Variants in RPS6KL1 observed in about 807,000 individuals in gnomAD.
RPS6KL1 encodes the protein ribosomal protein S6 kinase like 1.
Under a neutral mutation model 57.0 loss-of-function variants are expected in RPS6KL1, and 41 were observed. The ratio of observed to expected loss-of-function variants is 0.72; its 90% CI spans 0.56 to 0.93. The LOEUF (loss-of-function observed/expected upper bound fraction) is 0.93, where lower values mean the gene tolerates loss of function less well. Among genes scored for constraint, RPS6KL1 ranks in the 40% least tolerant of loss-of-function variants. RPS6KL1 has a pLI of 0.00. For missense variants in RPS6KL1, 697 were observed against 727.7 expected (o/e 0.96, Z 0.49); for synonymous variants, 287 against 309.7 (o/e 0.93, Z 0.77).
intron 7 of RPS6KL1, chr14:74,910,441 GA>G (rs112024638): frequency 0.11 from 33,611 of 302,176 alleles, 2,739 homozygotes; most frequent in African/African-American, 0.27. Flanking sequence ...TCACTAGTGT[GA>G]ACACTGTTTT....
At chr14:74,911,135 G>A (rs1418143832) in intron 7 of RPS6KL1, 113 bp downstream of exon 7, 5 of 1,049,786 alleles carry the variant, frequency 4.8e-6, no homozygotes, top group Non-Finnish European at 7.3e-6. Context: ...GCCTCCCAAA[G>A]TGCTGGGATT....
chr14:74,911,405 C>G, intron 6 of RPS6KL1, 25 bp from the exon 7 acceptor site: 1 of 1,592,614 alleles, frequency 6.3e-7, no homozygotes, highest in Non-Finnish European at 8.5e-7. Flanking sequence ...GCAGGCAGAT[C>G]AGCCGGGGAC....
At chr14:74,907,390 T>C in intron 11 of RPS6KL1, 45 bp downstream of exon 11, 1 of 1,542,822 alleles carries the variant, frequency 6.5e-7, no homozygotes, top group Non-Finnish European at 8.7e-7. Context: ...CCCAGCACCT[T>C]CCTCAGGCTA....
intron 5 of RPS6KL1, among the ~76,000 whole-genome samples, chr14:74,916,637 C>T (rs758293752): frequency 2.6e-5 from 4 of 151,832 alleles, no homozygotes; most frequent in South Asian, 2.1e-4. Flanking sequence ...GCCGAGATCA[C>T]GCCACTGCAC....
At position 74,908,870 on chromosome 14, in the gene RPS6KL1, A is replaced by G. The variant is rs1433582901; in HGVS notation, c.1423T>C (p.Tyr475His). The part of the protein sequence containing the change: ...CDWWSFGSLL[Y>H]ELLTGMALSQ... ...CTCACCATTCCCGTCAGCAGTTCAT[A>G]CAGTAGAGACCCAAAGCTCCACCAG... Residue 475 changes from tyrosine (Y) to histidine (H), a missense_variant, in exon 10 of 12, where the codon TAT (tyrosine) becomes CAT (histidine). Coordinates refer to ENST00000557413, the MANE Select transcript of RPS6KL1 (RefSeq NM_031464.5). The G allele has an allele frequency of 1.9e-6, 3 of 1,614,118 alleles. No individual in the cohort carries two copies. In the South Asian group the frequency reaches 3.3e-5, roughly 18 times the overall value.
chr14:74,908,719 T>A, intron 10 of RPS6KL1, 131 bp downstream of exon 10: 1 of 774,758 alleles, frequency 1.3e-6, no homozygotes, highest in Admixed American at 2.0e-5. Context: ...AGTGTGTCCC[T>A]GGCTTCGGGG....
Position 74,921,522 on chromosome 14 carries a change from TCA to T in RPS6KL1, c.18_19del (p.Cys6Ter), listed in dbSNP as rs1332062969. On this transcript the variant is annotated stop_gained and frameshift_variant, in exon 3 of 12. Coordinates refer to ENST00000557413, the MANE Select transcript of RPS6KL1 (RefSeq NM_031464.5). LOFTEE classifies it high-confidence loss of function. ...CTCCAGGCCGGGGCTGGGCAGGCAC[TCA>T]CAGGCCACCAGGCTCATGGCTGCCC... is the stretch of plus-strand genomic sequence containing the variant. 1 of 1,613,994 alleles carries T rather than the reference TCA, an allele frequency of 6.2e-7. No individual in the cohort carries two copies. The highest frequency in any genetic ancestry group is 1.7e-5 in the Admixed American group (1 of 60,010).
rs983229185 is a variant in RPS6KL1, at chr14:74,906,740, A to G, written c.*274T>C. On this transcript the variant is annotated 3_prime_UTR_variant, in exon 12 of 12. Transcript: ENST00000557413. Reference sequence around the variant, plus strand: ...GCAACCTTTAACATGGTGAGTCCACATGCTCAACGGGTCTGTTGACTGATG... The same window carrying G: ...GCAACCTTTAACATGGTGAGTCCACGTGCTCAACGGGTCTGTTGACTGATG... 4.5e-5 allele frequency: 28 copies of G among 618,316 alleles called. No homozygotes were observed. The highest frequency in any genetic ancestry group is 6.5e-5 in the Non-Finnish European group (21 of 322,250). 38.3% of individuals were successfully genotyped at this position (618,316 alleles called of 1,614,324 possible). A position where few individuals can be genotyped will look rare whatever the true frequency, so the allele number is the denominator to read the frequency against.
chr14:74,907,641 A>C, intron 10 of RPS6KL1, 111 bp from the exon 11 acceptor site: 1 of 984,938 alleles, frequency 1.0e-6, no homozygotes, highest in South Asian at 1.7e-5. Context: ...GAGGATGACA[A>C]TAATGATAGT....
rs1884974086 is a variant in RPS6KL1, at chr14:74,906,887, G to C, written c.*127C>G. 2.4e-6 allele frequency: 2 copies of C among 821,878 alleles called. No homozygotes were observed. The highest frequency in any genetic ancestry group is 3.3e-5 in the African/African-American group (2 of 59,846). The allele number at this position is 821,878 out of a possible 1,614,324, so 50.9% of individuals were successfully genotyped here. ...TGAGGCCCCAGTGGGAGCCCAGCAG[G>C]ACAGACAGTGCCCTCCATTCCTCGC... On this transcript the variant is annotated 3_prime_UTR_variant, in exon 12 of 12. Transcript: ENST00000557413.
rs1887999629 is a variant in RPS6KL1, at chr14:74,922,497, C to G, written c.-528-12G>C. On this transcript the variant is annotated splice_polypyrimidine_tract_variant and intron_variant, in intron 1 of 11. Coordinates refer to ENST00000557413, the MANE Select transcript of RPS6KL1 (RefSeq NM_031464.5). ...CTGGGCTGTAAGAACTGTTGGCAGA[C>G]GGAATGACTGAGTGGCAGACTCGGT... 4.0e-6 allele frequency: 1 copy of G among 250,776 alleles called. No individual in the cohort carries two copies. The highest frequency in any genetic ancestry group is 2.3e-5 in the African/African-American group (1 of 43,514). The allele number at this position is 250,776 out of a possible 1,614,324, so 15.5% of individuals were successfully genotyped here. A position where few individuals can be genotyped will look rare whatever the true frequency, so the allele number is the denominator to read the frequency against.
chr14:74,918,366 C>T (rs1449452666), intron 5 of RPS6KL1, 147 bp downstream of exon 5: 8 of 562,984 alleles, frequency 1.4e-5, no homozygotes, highest in South Asian at 2.5e-5. Flanking sequence ...TGCACTCGCA[C>T]TCCCCACTGA....
chr14:74,907,453 C>A lies in RPS6KL1; in HGVS notation c.1521G>T (p.Ala507=), dbSNP rs143319540. 6.3e-7 allele frequency: 1 copy of A among 1,583,164 alleles called. No homozygotes were observed. The highest frequency in any genetic ancestry group is 8.6e-7 in the Non-Finnish European group (1 of 1,165,002). Residue 507 remains alanine (A), a synonymous_variant, in exon 11 of 12, where the codon GCG becomes GCT. Coordinates refer to ENST00000557413, the MANE Select transcript of RPS6KL1 (RefSeq NM_031464.5). ...ACCTCACCTCAGTCAGCAGAGAGGC[C>A]GCTGGGCGACTGAGCCACTCGGGCA... is the stretch of plus-strand genomic sequence containing the variant. ...LQLPEWLSRP[A]ASLLTELLQF...
At chr14:74,917,127 G>A (rs937016566) in intron 5 of RPS6KL1, among the ~76,000 whole-genome samples, 2 of 152,220 alleles carry the variant, frequency 1.3e-5, no homozygotes, top group African/African-American at 4.8e-5. Flanking sequence ...CTGGAGTAAG[G>A]CCCGGGAGCA....
chr14:74,908,882 C>T lies in RPS6KL1; in HGVS notation c.1411G>A (p.Gly471Arg). The change falls in exon 10 of 12, where the codon GGG (glycine) becomes AGG (arginine). Residue 471 changes from glycine (G) to arginine (R), a missense_variant. Transcript: ENST00000557413. ...GTCAGCAGTTCATACAGTAGAGACC[C>T]AAAGCTCCACCAGTCACAGGCTTCC... is the stretch of plus-strand genomic sequence containing the variant. Reference protein sequence around the residue: ...LTEACDWWSFGSLLYELLTGM... With the variant: ...LTEACDWWSFRSLLYELLTGM... 1.9e-6 allele frequency: 3 copies of T among 1,614,188 alleles called. No homozygotes were observed. The highest frequency in any genetic ancestry group is 2.5e-6 in the Non-Finnish European group (3 of 1,180,022).
intron 5 of RPS6KL1, among the ~76,000 whole-genome samples, chr14:74,912,736 G>A (rs1886230135): frequency 6.6e-6 from 1 of 152,084 alleles, no homozygotes; most frequent in Admixed American, 6.6e-5. Flanking sequence ...ATGTACTCCT[G>A]ACTGCAAATA....
chr14:74,921,132 T>C, intron 3 of RPS6KL1, 145 bp downstream of exon 3: 2 of 679,726 alleles, frequency 2.9e-6, no homozygotes, highest in East Asian at 2.7e-5. Context: ...CAGCTATCAT[T>C]GTCTTTTATG....
rs1322303180 is a variant in RPS6KL1 at position 74,904,306 on chromosome 14, T to G, written c.*2708A>C. The G allele has an allele frequency of 1.3e-5, 2 of 152,206 alleles. No homozygotes were observed. Among genetic ancestry groups the G allele is most frequent in the Non-Finnish European group, 2.9e-5 (2 of 68,042 alleles). The allele number at this position is 152,206 out of a possible 1,614,324, so 9.4% of individuals were successfully genotyped here. ...TGTGGAGACCAAGGTTTTATGCAGA[T>G]GAAGCCTCCAGCCAGCAGGCTTCAG... On this transcript the variant is annotated 3_prime_UTR_variant, in exon 12 of 12. Coordinates refer to ENST00000557413, the MANE Select transcript of RPS6KL1 (RefSeq NM_031464.5).
intron 8 of RPS6KL1, 78 bp from the exon 9 acceptor site, chr14:74,909,268 C>T (rs1885472937): frequency 3.6e-6 from 5 of 1,403,606 alleles, no homozygotes; most frequent in Non-Finnish European, 5.0e-6. Context: ...GGGCTTCCCC[C>T]AACAGTCATG....
Sources: gnomAD v4.1 joint callset for allele counts (sites outside exome capture counted in the v4.1 genomes callset) on GRCh38, gnomAD v4.1.1 for gene constraint, MANE v1.5 for transcripts, NCBI Gene and HGNC (gene_info 2026-07-23, HGNC 2026-07-21) for gene names.